KYNU: variants seen among roughly 807,000 people sequenced by gnomAD.
KYNU encodes L-kynurenine hydrolase.
Under a neutral mutation model 59.2 loss-of-function variants are expected in KYNU, and 54 were observed. The ratio of observed to expected loss-of-function variants is 0.91; its 90% CI spans 0.73 to 1.14. The LOEUF (loss-of-function observed/expected upper bound fraction) is 1.14. KYNU is among the 50% of genes most tolerant of loss of function. KYNU has a pLI of 0.00. For synonymous variants in KYNU, 177 were observed against 192.0 expected, an observed-to-expected ratio of 0.92 and a Z score of 0.65; for missense variants, 567 against 554.4, an observed-to-expected ratio of 1.02 and a Z score of -0.23.
At chr2:142,946,478 T>C (rs1683784268) in intron 4 of KYNU, among the ~76,000 whole-genome samples, 1 of 152,216 alleles carries the variant, frequency 6.6e-6, no homozygotes, top group Non-Finnish European at 1.5e-5. Flanking sequence ...TTAATATCCT[T>C]GTACATCTCC....
intron 8 of KYNU, among the ~76,000 whole-genome samples, chr2:142,966,858 T>A (rs766848022): frequency 1.3e-5 from 2 of 151,930 alleles, no homozygotes; most frequent in East Asian, 1.9e-4. Context: ...AGAAAAAAAA[T>A]TGGACTATCC....
At chr2:142,913,612 G>A (rs576177049) in intron 2 of KYNU, among the ~76,000 whole-genome samples, 9 of 152,250 alleles carry the variant, frequency 5.9e-5, no homozygotes, top group South Asian at 4.1e-4. Context: ...TTATCTCCAA[G>A]CATATGGTCA....
chr2:142,913,835 A>G (rs1013016366), intron 2 of KYNU, among the ~76,000 whole-genome samples: 1 of 152,234 alleles, frequency 6.6e-6, no homozygotes, highest in African/African-American at 2.4e-5. Context: ...AAGTCTTTTC[A>G]TAGGTCTAGA....
chr2:142,956,111 T>C lies in KYNU; in HGVS notation c.436-92T>C, dbSNP rs1004724206. On this transcript the variant is annotated intron_variant, in intron 5 of 13. Transcript: ENST00000264170. ...GTTGAGTTAATTAATGTCTTTAAAA[T>C]ACTGGAGATTATAAAATGATAGTGT... The C allele has an allele frequency of 9.6e-6, 7 of 729,992 alleles. No individual in the cohort carries two copies. In the East Asian group the frequency reaches 1.6e-4, roughly 17 times the overall value. 45.2% of individuals were successfully genotyped at this position (729,992 alleles called of 1,614,324 possible).
chr2:143,036,245 G>A (rs12477146), intron 12 of KYNU, among the ~76,000 whole-genome samples: 23,963 of 151,864 alleles, frequency 0.16, 1,980 homozygotes, highest in East Asian at 0.27. Context: ...TTCCTGCAGA[G>A]AGGATACACT....
chr2:142,969,304 A>G (rs1307081304), intron 8 of KYNU, among the ~76,000 whole-genome samples: 1 of 152,174 alleles, frequency 6.6e-6, no homozygotes, highest in Non-Finnish European at 1.5e-5. Context: ...CTTATGAAAA[A>G]TGTTGATTAA....
intron 12 of KYNU, among the ~76,000 whole-genome samples, chr2:143,034,416 A>G (rs1047427617): frequency 5.3e-5 from 8 of 152,196 alleles, no homozygotes; most frequent in South Asian, 2.1e-4. Flanking sequence ...CTAAAATTGC[A>G]TAATTCTGTG....
At chr2:143,031,843 G>A (rs1009975329) in intron 11 of KYNU, among the ~76,000 whole-genome samples, 1 of 152,168 alleles carries the variant, frequency 6.6e-6, no homozygotes, top group Non-Finnish European at 1.5e-5. Flanking sequence ...GAAAAGGAAA[G>A]AATTTTAATT....
Position 143,040,652 on chromosome 2 carries a change from A to C in KYNU, c.1266A>C (p.Gly422=). ...KDVFQELEKR[G]VVCDKRNPNG... ...TTTTCCAAGAACTAGAAAAAAGAGG[A>C]GTGGTTGTAAGTATGTCTTGCTTTG... Residue 422 remains glycine, a synonymous_variant, in exon 13 of 14, where the codon GGA becomes GGC. Coordinates refer to ENST00000264170, the MANE Select transcript of KYNU (RefSeq NM_003937.3). The C allele has an allele frequency of 1.3e-6, 2 of 1,594,068 alleles. No individual in the cohort carries two copies. Among genetic ancestry groups the C allele is most frequent in the Non-Finnish European group, 1.7e-6 (2 of 1,166,398 alleles).
intron 2 of KYNU, among the ~76,000 whole-genome samples, chr2:142,914,220 T>C (rs577763368): frequency 2.4e-4 from 36 of 152,344 alleles, no homozygotes; most frequent in South Asian, 6.2e-4. Flanking sequence ...GAACTCTCAC[T>C]CATCAACCCT....
intron 4 of KYNU, among the ~76,000 whole-genome samples, chr2:142,927,964 TA>T (rs965338055): frequency 3.7e-4 from 57 of 152,176 alleles, no homozygotes; most frequent in African/African-American, 1.4e-3. Context: ...AAATATATGT[TA>T]TTTTTTTCTG....
At chr2:142,947,243 A>G in intron 4 of KYNU, 2 of 1,548,320 alleles carry the variant, frequency 1.3e-6, no homozygotes, top group South Asian at 2.4e-5. Context: ...TGAAACCTTG[A>G]GAGAGGAAGA....
intron 10 of KYNU, among the ~76,000 whole-genome samples, chr2:142,999,536 C>T (rs530336530): frequency 6.6e-6 from 1 of 152,114 alleles, no homozygotes; most frequent in Admixed American, 6.5e-5. Context: ...CATCAATCAC[C>T]TAGGGTCAAG....
chr2:143,029,560 T>G, intron 10 of KYNU, 67 bp from the exon 11 acceptor site: 1 of 972,232 alleles, frequency 1.0e-6, no homozygotes, highest in Non-Finnish European at 1.7e-6. Flanking sequence ...CACTCCAGCC[T>G]AGGCAGCAGA....
chr2:142,889,738 G>A (rs1170299195), intron 2 of KYNU, among the ~76,000 whole-genome samples: 1 of 152,138 alleles, frequency 6.6e-6, no homozygotes, highest in African/African-American at 2.4e-5. Flanking sequence ...ATCTAAAAAT[G>A]GTAAAGCATG....
chr2:142,924,908 C>G (rs914861425), intron 3 of KYNU, among the ~76,000 whole-genome samples: 1 of 152,166 alleles, frequency 6.6e-6, no homozygotes, highest in African/African-American at 2.4e-5. Flanking sequence ...TTTCTAAATA[C>G]ATTTCACTAC....
chr2:142,896,107 G>T (rs1681866837), intron 2 of KYNU, among the ~76,000 whole-genome samples: 2 of 152,074 alleles, frequency 1.3e-5, no homozygotes, highest in African/African-American at 4.8e-5. Context: ...GGCTTGATTT[G>T]GAACTCAAAC....
chr2:143,020,847 C>G (rs1439784935), intron 10 of KYNU, among the ~76,000 whole-genome samples: 1 of 152,116 alleles, frequency 6.6e-6, no homozygotes, highest in Non-Finnish European at 1.5e-5. Flanking sequence ...ATCTTTATAA[C>G]TTTGGTAGCT....
chr2:142,892,707 C>A (rs910082788), intron 2 of KYNU, among the ~76,000 whole-genome samples: 1 of 152,016 alleles, frequency 6.6e-6, no homozygotes, highest in Non-Finnish European at 1.5e-5. Context: ...ATACCATGAG[C>A]CATAATTTCT....
Sources: gnomAD v4.1 joint callset for allele counts (sites outside exome capture counted in the v4.1 genomes callset) on GRCh38, gnomAD v4.1.1 for gene constraint, MANE v1.5 for transcripts, NCBI Gene and HGNC (gene_info 2026-07-23, HGNC 2026-07-21) for gene names.